The following ENOX2 variants were observed in gnomAD, a reference collection of about 807,000 sequenced individuals.
The protein encoded by ENOX2 is ecto-NOX disulfide-thiol exchanger 2, also known as APK1 antigen.
In ENOX2, 36 loss-of-function variants were observed where a neutral mutation model predicts 45.0. The observed-to-expected ratio is 0.80, with a 90% confidence interval of 0.61 to 1.06. The LOEUF (loss-of-function observed/expected upper bound fraction) is 1.06, where lower values mean the gene tolerates loss of function less well. ENOX2 is among the 50% of genes least tolerant of loss of function. ENOX2 has a pLI of 0.00. For missense variants in ENOX2, 423 were observed against 462.5 expected (o/e 0.91, Z 0.78); for synonymous variants, 174 against 152.3 (o/e 1.14, Z -1.05).
intron 14 of ENOX2, 83 bp from the exon 15 acceptor site, chrX:130,625,528 C>T (rs1302936168): frequency 2.0e-6 from 2 of 1,007,345 alleles, no homozygotes; most frequent in Non-Finnish European, 2.7e-6. Flanking sequence ...CTTTAGAATG[C>T]TGATGTGTCT....
intron 2 of ENOX2, among the ~76,000 whole-genome samples, chrX:130,837,033 T>C (rs971238546): frequency 9.0e-6 from 1 of 111,713 alleles, no homozygotes; most frequent in African/African-American, 3.3e-5. Flanking sequence ...TATCACAGGG[T>C]TGGAAAGGGA....
At position 130,857,256 on chromosome X, in the gene ENOX2, G is replaced by C. The variant is rs548789481; in HGVS notation, c.-183+44428C>G. On this transcript the variant is annotated intron_variant, in intron 2 of 14. Transcript: ENST00000394363. ...CCCATGTATTTGAAACTTAGTAACA[G>C]ACAACTAATTTATAGTGATAGAAGT... Among the ~76,000 whole-genome samples, 71 of 112,620 alleles carry C rather than the reference G, an allele frequency of 6.3e-4. 1 individual carries two copies. In the South Asian group the frequency reaches 0.024, roughly 39 times the overall value.
intron 12 of ENOX2, among the ~76,000 whole-genome samples, chrX:130,633,421 T>C (rs866401983): frequency 1.8e-5 from 2 of 112,586 alleles, no homozygotes; most frequent in Non-Finnish European, 3.8e-5. Flanking sequence ...TGAACTGTCA[T>C]GAATTTCTCT....
At chrX:130,748,676 A>G (rs2039148721) in intron 3 of ENOX2, among the ~76,000 whole-genome samples, 1 of 112,126 alleles carries the variant, frequency 8.9e-6, no homozygotes, top group Non-Finnish European at 1.9e-5. Context: ...AATTTCATAA[A>G]GAGTGAGGAA....
chrX:130,817,671 G>T (rs919439565), intron 2 of ENOX2, among the ~76,000 whole-genome samples: 3 of 109,836 alleles, frequency 2.7e-5, no homozygotes, highest in Admixed American at 9.6e-5. Flanking sequence ...CAAAAACCAC[G>T]ATTATCTCAA....
At chrX:130,878,625 T>A in intron 2 of ENOX2, among the ~76,000 whole-genome samples, 1 of 112,179 alleles carries the variant, frequency 8.9e-6, no homozygotes, top group East Asian at 2.8e-4. Context: ...TCCTTAAGCA[T>A]TTCAATTGCT....
At chrX:130,744,564 T>G (rs889681977) in intron 3 of ENOX2, among the ~76,000 whole-genome samples, 4 of 112,501 alleles carry the variant, frequency 3.6e-5, no homozygotes, top group African/African-American at 1.3e-4. Context: ...AAATAGCATA[T>G]GCTGCATTTA....
chrX:130,875,142 G>A (rs2078672047), intron 2 of ENOX2, among the ~76,000 whole-genome samples: 1 of 111,341 alleles, frequency 9.0e-6, no homozygotes, highest in Admixed American at 9.5e-5. Flanking sequence ...GGTGAGAAAG[G>A]GTATAGGAAA....
chrX:130,878,116 G>T (rs2078741590), intron 2 of ENOX2, among the ~76,000 whole-genome samples: 1 of 111,900 alleles, frequency 8.9e-6, no homozygotes, highest in Admixed American at 9.4e-5. Flanking sequence ...AATCCATGTG[G>T]AGATGGTCCA....
intron 6 of ENOX2, among the ~76,000 whole-genome samples, chrX:130,670,829 G>A (rs936588304): frequency 5.5e-5 from 6 of 109,611 alleles, no homozygotes; most frequent in Admixed American, 4.9e-4. Flanking sequence ...AGTAGTATAG[G>A]ACTGGGATTC....
At chrX:130,717,068 G>T (rs988503456) in intron 3 of ENOX2, among the ~76,000 whole-genome samples, 3 of 112,113 alleles carry the variant, frequency 2.7e-5, no homozygotes, top group Non-Finnish European at 3.8e-5. Flanking sequence ...ATTTGAAAAT[G>T]ATTACAAAGG....
In ENOX2 at chrX:130,825,528, A is replaced by G. The variant is rs755436066; in HGVS notation, c.-182-41838T>C. 1.3e-4 allele frequency among the ~76,000 whole-genome samples: 15 copies of G among 112,132 alleles called. No homozygotes were observed. In the South Asian group the frequency reaches 5.6e-3, roughly 42 times the overall value. ...AAATCTGTATGGTGAGTATAACTGTACGGTAGTTCTCCCTTAACTGCAGTT... is the reference window on the plus strand; with the variant it reads ...AAATCTGTATGGTGAGTATAACTGTGCGGTAGTTCTCCCTTAACTGCAGTT... On this transcript the variant is annotated intron_variant, in intron 2 of 14. Transcript: ENST00000394363.
intron 2 of ENOX2, among the ~76,000 whole-genome samples, chrX:130,836,543 AAG>A (rs2077930355): frequency 9.0e-6 from 1 of 111,206 alleles, no homozygotes; most frequent in Admixed American, 9.6e-5. Flanking sequence ...CAACTGATTG[AAG>A]AGTCTTAAGC....
At chrX:130,777,312 A>G (rs1257869365) in intron 3 of ENOX2, among the ~76,000 whole-genome samples, 1 of 109,610 alleles carries the variant, frequency 9.1e-6, no homozygotes, top group Non-Finnish European at 1.9e-5. Flanking sequence ...CAGCCTGGGC[A>G]ACGTGGAGAA....
At chrX:130,861,969 T>C (rs191629148) in intron 2 of ENOX2, among the ~76,000 whole-genome samples, 25 of 111,001 alleles carry the variant, frequency 2.3e-4, no homozygotes, top group Admixed American at 2.1e-3. Context: ...AGTAAAGTGG[T>C]TTATACCAAT....
At chrX:130,662,734 A>G (rs918783074) in intron 9 of ENOX2, among the ~76,000 whole-genome samples, 2 of 112,440 alleles carry the variant, frequency 1.8e-5, no homozygotes, top group Admixed American at 1.9e-4. Context: ...AAGAGGCACC[A>G]ATATAAAGTG....
intron 2 of ENOX2, among the ~76,000 whole-genome samples, chrX:130,793,117 T>C (rs1328707720): frequency 8.9e-6 from 1 of 112,434 alleles, no homozygotes; most frequent in Non-Finnish European, 1.9e-5. Flanking sequence ...GGGATGATAA[T>C]GCCCCCCTTA....
Position 130,635,037 on chromosome X carries a change from G to A in ENOX2, c.1366C>T (p.Leu456Phe). 1 of 1,199,177 alleles carries A rather than the reference G, an allele frequency of 8.3e-7. No individual in the cohort carries two copies. Among genetic ancestry groups the A allele is most frequent in the Non-Finnish European group, 1.1e-6 (1 of 885,484 alleles). Residue 456 changes from leucine to phenylalanine, a missense_variant, in exon 12 of 15, where the codon CTC becomes TTC. Leu to Phe is a conservative substitution (Grantham distance 22). This residue lies in a region of ENOX2 where 108 missense variants were observed against 70.6 expected (regional missense o/e 1.53). Transcript: ENST00000394363. ...TCCACCTGTAACTTGTCATCTTTGA[G>A]TTTTTCAAGTTCAGCTTCTTTCTTT... The part of the protein sequence containing the change: ...YKKKEAELEK[L>F]KDDKLQVEKM...
chrX:130,741,240 C>T (rs971757928), intron 3 of ENOX2, among the ~76,000 whole-genome samples: 1 of 111,369 alleles, frequency 9.0e-6, no homozygotes, highest in African/African-American at 3.3e-5. Flanking sequence ...GCTGCAGGAC[C>T]GTCATGGTTA....
Sources: allele counts gnomAD v4.1 joint callset (sites outside exome capture counted in the v4.1 genomes callset), GRCh38; gene constraint gnomAD v4.1.1; regional missense constraint gnomAD v4.1.1; transcripts MANE v1.5; gene names NCBI Gene and HGNC (gene_info 2026-07-23, HGNC 2026-07-21).